VPS50: variants seen among roughly 807,000 people sequenced by gnomAD.
VPS50 encodes syndetin.
Under a neutral mutation model 139.7 loss-of-function variants are expected in VPS50, and 70 were observed. The observed-to-expected ratio is 0.50, with a 90% CI of 0.41 to 0.61. The LOEUF is 0.61. Ranked by LOEUF, VPS50 falls within the 20% of genes least tolerant of loss-of-function variation. VPS50 has a pLI of 0.00. For synonymous variants in VPS50, 365 were observed against 376.7 expected (o/e 0.97, Z 0.36); for missense variants, 921 against 1,133.7 (o/e 0.81, Z 2.69).
At chr7:93,309,659 A>G (rs752479676) in intron 19 of VPS50, among the ~76,000 whole-genome samples, 44 of 151,898 alleles carry the variant, frequency 2.9e-4, no homozygotes, top group Non-Finnish European at 5.6e-4. Flanking sequence ...TGAACCTTCT[A>G]TCAAGGTGTC....
Position 93,307,094 on chromosome 7 carries a change from G to A in VPS50, c.1629+1090G>A, listed in dbSNP as rs114004085. ...TAGCATTTGATTCTCATTATTTGCA[G>A]CAGTGTGTTCTATAAAGTTGCTGTG... On this transcript the variant is annotated intron_variant, in intron 18 of 27. Transcript: ENST00000305866. Among the ~76,000 whole-genome samples the A allele has an allele frequency of 9.7e-3, 1,476 of 151,904 alleles. 30 individuals are homozygous for A. The highest frequency in any genetic ancestry group is 0.034 in the African/African-American group (1,394 of 41,482).
At chr7:93,328,155 G>T (rs1258503565) in intron 21 of VPS50, among the ~76,000 whole-genome samples, 2 of 152,060 alleles carry the variant, frequency 1.3e-5, no homozygotes, top group Non-Finnish European at 2.9e-5. Context: ...TCATGGTATT[G>T]CTTTATCTTG....
chr7:93,299,851 G>T (rs923211685), intron 16 of VPS50, among the ~76,000 whole-genome samples: 2 of 152,096 alleles, frequency 1.3e-5, no homozygotes, highest in Admixed American at 6.6e-5. Context: ...ACATCGTTCT[G>T]TCAGATGCTG....
Position 93,232,477 on chromosome 7 carries a change from A to G in VPS50, c.10A>G (p.Ile4Val). The G allele has an allele frequency of 6.2e-7, 1 of 1,613,726 alleles. No individual in the cohort carries two copies. ...TCCTCAGGATTTCGATATGCAAAAA[A>G]TCAAATCTCTCATGACCCGACAGGT... Reference protein sequence around the residue: MQKIKSLMTRQGLK... With the variant: MQKVKSLMTRQGLK... Residue 4 changes from isoleucine (I) to valine (V), a missense_variant, in exon 1 of 28, where the codon ATC becomes GTC. Physicochemically the swap from Ile to Val is conservative, Grantham distance 29 (BLOSUM62 3). Coordinates refer to ENST00000305866, the MANE Select transcript of VPS50 (RefSeq NM_017667.4).
chr7:93,333,866 ACTCT>A (rs1798001996), intron 21 of VPS50: 1 of 407,230 alleles, frequency 2.5e-6, no homozygotes, highest in African/African-American at 2.1e-5. Flanking sequence ...ATTCTGGAGA[ACTCT>A]CTCCTGATAA....
At chr7:93,235,839 T>C (rs1228689347) in intron 1 of VPS50, among the ~76,000 whole-genome samples, 1 of 152,184 alleles carries the variant, frequency 6.6e-6, no homozygotes, top group East Asian at 1.9e-4. Context: ...ATCCAGGGTA[T>C]AGCTGAAACT....
chr7:93,322,599 CAAA>C (rs71528064), intron 20 of VPS50, among the ~76,000 whole-genome samples: 2 of 66,176 alleles, frequency 3.0e-5, no homozygotes, highest in Admixed American at 3.2e-4. Flanking sequence ...GACTCCGTCT[CAAA>C]AAAAAAAAAA....
intron 20 of VPS50, among the ~76,000 whole-genome samples, chr7:93,321,611 T>A (rs1045651716): frequency 1.3e-5 from 2 of 152,234 alleles, no homozygotes; most frequent in Non-Finnish European, 2.9e-5. Flanking sequence ...TAAATTAATA[T>A]CCTTATGTTT....
intron 9 of VPS50, 94 bp from the exon 10 acceptor site, chr7:93,271,126 G>A (rs1271481975): frequency 1.4e-6 from 2 of 1,477,150 alleles, no homozygotes; most frequent in Non-Finnish European, 1.8e-6. Flanking sequence ...CTTAATCTTT[G>A]AATTTATGGA....
chr7:93,310,774 C>G (rs1797245266), intron 19 of VPS50, among the ~76,000 whole-genome samples: 1 of 151,950 alleles, frequency 6.6e-6, no homozygotes, highest in Non-Finnish European at 1.5e-5. Context: ...TTATGCTGCC[C>G]CGTAACCCCA....
chr7:93,239,237 ATTTC>A (rs1317489597), intron 1 of VPS50, among the ~76,000 whole-genome samples: 4 of 152,166 alleles, frequency 2.6e-5, no homozygotes, highest in Admixed American at 6.5e-5. Context: ...TAAATTGCTG[ATTTC>A]TTTCTATTTT....
intron 20 of VPS50, 64 bp from the exon 21 acceptor site, chr7:93,323,542 TTTTTA>T (rs1342425820): frequency 1.9e-6 from 1 of 539,598 alleles, no homozygotes; most frequent in Non-Finnish European, 2.8e-6. Flanking sequence ...TTTTATTTTC[TTTTTA>T]TAATTATAGA....
chr7:93,275,650 A>C (rs1250145253), intron 11 of VPS50, among the ~76,000 whole-genome samples: 1 of 152,172 alleles, frequency 6.6e-6, no homozygotes, highest in South Asian at 2.1e-4. Flanking sequence ...AAATAAAAAA[A>C]TTTGCTTTGT....
intron 2 of VPS50, among the ~76,000 whole-genome samples, chr7:93,240,585 G>C (rs891857755): frequency 2.6e-5 from 4 of 152,112 alleles, no homozygotes; most frequent in Non-Finnish European, 5.9e-5. Context: ...TTTTTCTGGA[G>C]TGTTGCTGCT....
intron 12 of VPS50, among the ~76,000 whole-genome samples, chr7:93,284,286 CT>C (rs1343401484): frequency 1.3e-5 from 2 of 152,170 alleles, no homozygotes; most frequent in South Asian, 2.1e-4. Flanking sequence ...TAAATACTGC[CT>C]TTTTTTGTGT....
intron 6 of VPS50, 58 bp downstream of exon 6, chr7:93,257,522 T>C: frequency 2.1e-6 from 2 of 932,522 alleles, no homozygotes; most frequent in Admixed American, 2.2e-5. Context: ...AGAATAACTA[T>C]GGAATCTATA....
At chr7:93,236,042 T>A (rs903733851) in intron 1 of VPS50, among the ~76,000 whole-genome samples, 3 of 152,204 alleles carry the variant, frequency 2.0e-5, no homozygotes, top group African/African-American at 7.2e-5. Flanking sequence ...GCTTCCTGAA[T>A]GGCACCTGGA....
intron 22 of VPS50, among the ~76,000 whole-genome samples, chr7:93,339,321 G>T (rs1798148875): frequency 1.5e-5 from 2 of 130,496 alleles, no homozygotes; most frequent in African/African-American, 5.5e-5. Context: ...TTTAGGAGAA[G>T]ATAGGAAATA....
At chr7:93,279,969 A>G (rs1796274138) in intron 12 of VPS50, among the ~76,000 whole-genome samples, 2 of 152,066 alleles carry the variant, frequency 1.3e-5, no homozygotes, top group African/African-American at 2.4e-5. Flanking sequence ...TAAATGAGCT[A>G]CAGTGAAATT....
Sources: allele counts gnomAD v4.1 joint callset (sites outside exome capture counted in the v4.1 genomes callset), GRCh38; gene constraint gnomAD v4.1.1; transcripts MANE v1.5; gene names NCBI Gene and HGNC (gene_info 2026-07-23, HGNC 2026-07-21).